The following BBX variants were observed in gnomAD, a reference collection of about 807,000 sequenced individuals.
BBX encodes the protein BBX high mobility group box domain containing.
A neutral mutation model predicts 100.2 loss-of-function variants in BBX; 30 were observed. That is an observed-to-expected ratio of 0.30 (90% CI 0.22 to 0.41). The LOEUF is 0.41. BBX is among the 10% of genes least tolerant of loss of function. The pLI, the probability that BBX is intolerant of heterozygous loss-of-function variation, is 1.00. For synonymous variants in BBX, 376 were observed against 388.1 expected (o/e 0.97, Z 0.37); for missense variants, 1,023 against 1,129.8 (o/e 0.91, Z 1.35).
intron 12 of BBX, among the ~76,000 whole-genome samples, chr3:107,777,805 A>T (rs2107818732): frequency 6.6e-6 from 1 of 152,270 alleles, no homozygotes; most frequent in East Asian, 1.9e-4. Context: ...ATGTTTTCCT[A>T]GTATTAATGC....
chr3:107,546,711 C>T (rs1034922738), intron 2 of BBX, among the ~76,000 whole-genome samples: 3 of 152,038 alleles, frequency 2.0e-5, no homozygotes, highest in Non-Finnish European at 2.9e-5. Flanking sequence ...CTGTTAAATG[C>T]CTTTTTGATT....
At chr3:107,708,577 G>A (rs1046279963) in intron 3 of BBX, among the ~76,000 whole-genome samples, 2 of 151,738 alleles carry the variant, frequency 1.3e-5, no homozygotes, top group Admixed American at 6.6e-5. Context: ...AGGAGGCTGA[G>A]GCAGAAGAAT....
At chr3:107,742,885 G>A (rs1273828398) in intron 7 of BBX, among the ~76,000 whole-genome samples, 3 of 152,116 alleles carry the variant, frequency 2.0e-5, no homozygotes, top group East Asian at 3.9e-4. Flanking sequence ...GACTTGATGT[G>A]TTGTCGTGGC....
intron 8 of BBX, among the ~76,000 whole-genome samples, chr3:107,746,336 A>G (rs1013425017): frequency 2.0e-5 from 3 of 152,318 alleles, no homozygotes; most frequent in South Asian, 2.1e-4. Context: ...GCATTCTGTC[A>G]TACTTGCACA....
At chr3:107,577,698 C>T in intron 2 of BBX, among the ~76,000 whole-genome samples, 1 of 152,076 alleles carries the variant, frequency 6.6e-6, no homozygotes. Flanking sequence ...GTTCTTATTG[C>T]TGCAGTAATC....
intron 10 of BBX, among the ~76,000 whole-genome samples, chr3:107,760,839 A>G (rs1305987708): frequency 6.6e-6 from 1 of 152,220 alleles, no homozygotes; most frequent in Non-Finnish European, 1.5e-5. Flanking sequence ...GACCTATATC[A>G]TATTCTACAG....
intron 2 of BBX, among the ~76,000 whole-genome samples, chr3:107,566,115 C>G (rs1437107821): frequency 1.6e-5 from 2 of 125,736 alleles, no homozygotes; most frequent in Admixed American, 1.1e-4. Flanking sequence ...GCGGAGGTTG[C>G]AGTGAGCCGA....
chr3:107,592,085 G>A (rs943930293), intron 2 of BBX, among the ~76,000 whole-genome samples: 2 of 149,658 alleles, frequency 1.3e-5, no homozygotes, highest in Non-Finnish European at 3.0e-5. Context: ...ACCCCATCAA[G>A]AAGTTAACAG....
At chr3:107,804,616 G>A (rs904258819) in intron 17 of BBX, among the ~76,000 whole-genome samples, 11 of 152,132 alleles carry the variant, frequency 7.2e-5, no homozygotes, top group Non-Finnish European at 1.5e-4. Context: ...TTTGGCATAG[G>A]TTCTATCCAA....
chr3:107,554,037 T>C (rs986519939), intron 2 of BBX, among the ~76,000 whole-genome samples: 6 of 152,196 alleles, frequency 3.9e-5, no homozygotes, highest in Non-Finnish European at 8.8e-5. Flanking sequence ...GATCCAAGAA[T>C]GTATGTTTTT....
intron 2 of BBX, among the ~76,000 whole-genome samples, chr3:107,573,265 TA>T (rs945784892): frequency 2.6e-5 from 4 of 152,110 alleles, no homozygotes; most frequent in African/African-American, 9.7e-5. Context: ...AAATAATAAA[TA>T]AAATGTTTGT....
At chr3:107,761,112 G>A (rs932114499) in intron 10 of BBX, among the ~76,000 whole-genome samples, 2 of 152,096 alleles carry the variant, frequency 1.3e-5, no homozygotes, top group African/African-American at 2.4e-5. Flanking sequence ...ATACCTGACC[G>A]CCATACATAG....
chr3:107,753,257 A>G (rs1313239437), intron 9 of BBX, among the ~76,000 whole-genome samples: 1 of 152,206 alleles, frequency 6.6e-6, no homozygotes, highest in Non-Finnish European at 1.5e-5. Flanking sequence ...ACGTATGCCC[A>G]GTTTTCCACC....
intron 17 of BBX, among the ~76,000 whole-genome samples, chr3:107,803,721 G>C (rs890525485): frequency 2.6e-5 from 4 of 152,146 alleles, no homozygotes; most frequent in Non-Finnish European, 5.9e-5. Flanking sequence ...GTCAAGATTT[G>C]AACTCCTTAT....
chr3:107,808,908 G>C lies in BBX; in HGVS notation c.*3451G>C, dbSNP rs899712276. The C allele has an allele frequency of 6.6e-6, 1 of 152,122 alleles. No homozygotes were observed. The highest frequency in any genetic ancestry group is 1.5e-5 in the Non-Finnish European group (1 of 68,016). The allele number at this position is 152,122 out of a possible 1,614,324, so 9.4% of individuals were successfully genotyped here. A position where few individuals can be genotyped will look rare whatever the true frequency, so the allele number is the denominator to read the frequency against. On this transcript the variant is annotated 3_prime_UTR_variant, in exon 18 of 18. Coordinates refer to ENST00000325805, the MANE Select transcript of BBX (RefSeq NM_001142568.3). ...AAAGCCATGTTAAAATAATTCCCAC[G>C]TTATCATTGTGATTCTACTTCCTGC... is the stretch of plus-strand genomic sequence containing the variant.
chr3:107,787,983 G>A (rs545761759), intron 13 of BBX, among the ~76,000 whole-genome samples: 1 of 152,262 alleles, frequency 6.6e-6, no homozygotes, highest in South Asian at 2.1e-4. Flanking sequence ...AGGTTATGGA[G>A]GTAATGGAGC....
chr3:107,729,230 T>C (rs1049622215), intron 6 of BBX, among the ~76,000 whole-genome samples: 2 of 152,098 alleles, frequency 1.3e-5, no homozygotes, highest in African/African-American at 4.8e-5. Flanking sequence ...AACATGGAGA[T>C]TGTCAGAAGC....
At chr3:107,765,413 C>A (rs952310759) in intron 10 of BBX, among the ~76,000 whole-genome samples, 3 of 152,054 alleles carry the variant, frequency 2.0e-5, no homozygotes, top group Non-Finnish European at 4.4e-5. Context: ...CTGGCTCCAG[C>A]ATCCCTGCTT....
chr3:107,662,032 G>A (rs2058474275), intron 3 of BBX: 1 of 395,258 alleles, frequency 2.5e-6, no homozygotes, highest in Non-Finnish European at 3.4e-6. Context: ...TTAGGACACA[G>A]GACAGAAGAA....
Sources: allele counts gnomAD v4.1 joint callset (sites outside exome capture counted in the v4.1 genomes callset), GRCh38; gene constraint gnomAD v4.1.1; transcripts MANE v1.5; gene names NCBI Gene and HGNC (gene_info 2026-07-23, HGNC 2026-07-21).